Variants in ZCCHC4 observed in about 807,000 individuals in gnomAD.
The protein encoded by ZCCHC4 is rRNA N(6)-adenosine-methyltransferase ZCCHC4.
Under a neutral mutation model 67.7 loss-of-function variants are expected in ZCCHC4, and 54 were observed. The observed-to-expected ratio is 0.80, with a 90% CI of 0.64 to 1.00. The LOEUF is 1.00. Ranked by LOEUF, ZCCHC4 falls within the 50% of genes least tolerant of loss-of-function variation. The pLI, the probability that ZCCHC4 is intolerant of heterozygous loss-of-function variation, is 0.00. For synonymous variants in ZCCHC4, 198 were observed against 213.5 expected (o/e 0.93, Z 0.63); for missense variants, 609 against 617.0 (o/e 0.99, Z 0.14).
At chr4:25,336,652 A>G (rs375108872) in intron 5 of ZCCHC4, among the ~76,000 whole-genome samples, 25 of 152,214 alleles carry the variant, frequency 1.6e-4, no homozygotes, top group African/African-American at 5.5e-4. Flanking sequence ...ATGTGCAGCT[A>G]ATTTTTGTAT....
intron 8 of ZCCHC4, among the ~76,000 whole-genome samples, chr4:25,357,154 G>A (rs1373906491): frequency 6.6e-6 from 1 of 152,200 alleles, no homozygotes; most frequent in East Asian, 1.9e-4. Flanking sequence ...TAAAGGATAA[G>A]TCCAATTGCT....
chr4:25,335,169 A>G (rs544943751), intron 5 of ZCCHC4, among the ~76,000 whole-genome samples: 13 of 152,304 alleles, frequency 8.5e-5, no homozygotes, highest in African/African-American at 3.1e-4. Flanking sequence ...AGTTTGGGTC[A>G]GGTGTGGTGG....
intron 3 of ZCCHC4, among the ~76,000 whole-genome samples, chr4:25,328,206 AT>A (rs1351430331): frequency 2.0e-5 from 3 of 151,466 alleles, no homozygotes; most frequent in African/African-American, 7.3e-5. Context: ...GCCTGATGTC[AT>A]TTTTATCTTT....
At chr4:25,364,917 A>G in intron 11 of ZCCHC4, 105 bp from the exon 12 acceptor site, 1 of 1,488,120 alleles carries the variant, frequency 6.7e-7, no homozygotes, top group Non-Finnish European at 9.1e-7. Context: ...CAAACTGGCC[A>G]CAATACTTCA....
At chr4:25,338,606 G>A (rs1290054304) in intron 5 of ZCCHC4, among the ~76,000 whole-genome samples, 1 of 152,112 alleles carries the variant, frequency 6.6e-6, no homozygotes, top group African/African-American at 2.4e-5. Flanking sequence ...TTATGGATAT[G>A]CTTTGCCTAT....
In ZCCHC4 at chr4:25,369,455, A is replaced by T; in HGVS notation, c.*291A>T. ...TTTTTATGTTTTCATTTTTTTTGAG[A>T]TGGAGTCTTGCTCTGTCTCCCAGGC... On this transcript the variant is annotated 3_prime_UTR_variant, in exon 13 of 13. Transcript: ENST00000302874. 6 of 316,354 alleles carry T rather than the reference A, an allele frequency of 1.9e-5. No homozygotes were observed. In the South Asian group the frequency reaches 2.2e-4, roughly 11 times the overall value. 19.6% of individuals were successfully genotyped at this position (316,354 alleles called of 1,614,324 possible). A position where few individuals can be genotyped will look rare whatever the true frequency, so the allele number is the denominator to read the frequency against.
chr4:25,314,015 CTTTTTT>C, intron 1 of ZCCHC4, 25 bp from the exon 2 acceptor site: 1 of 1,022,006 alleles, frequency 9.8e-7, no homozygotes, highest in Non-Finnish European at 1.4e-6. Context: ...TTACTTGACA[CTTTTTT>C]TTTTTTTTTC....
At chr4:25,365,640 A>G in intron 12 of ZCCHC4, 5 of 985,712 alleles carry the variant, frequency 5.1e-6, no homozygotes, top group Non-Finnish European at 6.0e-6. Flanking sequence ...TAAGAAAAAT[A>G]TTTAGACATG....
intron 6 of ZCCHC4, 127 bp from the exon 7 acceptor site, chr4:25,349,365 G>A (rs959882807): frequency 2.2e-5 from 17 of 790,086 alleles, no homozygotes; most frequent in Middle Eastern, 2.5e-4. Flanking sequence ...GGAATGCTGC[G>A]GTGGCAAGAT....
rs992974927 is a variant in ZCCHC4 at position 25,361,876 on chromosome 4, T to A, written c.1029T>A (p.His343Gln). 1.2e-5 allele frequency: 20 copies of A among 1,611,344 alleles called. No homozygotes were observed. In the Admixed American group the frequency reaches 2.7e-4, roughly 22 times the overall value. The change falls in exon 9 of 13, where the codon CAT becomes CAA. Residue 343 changes from histidine (H) to glutamine (Q), a missense_variant. Coordinates refer to ENST00000302874, the MANE Select transcript of ZCCHC4 (RefSeq NM_024936.3). Reference sequence around the variant, plus strand: ...CTTTCTAGGTAGATTATGATAATCATGCACTTTATAAACACGGAAAGACAG... The same window carrying A: ...CTTTCTAGGTAGATTATGATAATCAAGCACTTTATAAACACGGAAAGACAG... ...MLDYQVDYDN[H>Q]ALYKHGKTGR...
intron 2 of ZCCHC4, 49 bp downstream of exon 2, chr4:25,314,213 A>G: frequency 7.9e-7 from 1 of 1,265,910 alleles, no homozygotes; most frequent in South Asian, 1.3e-5. Context: ...TATGTGTGAC[A>G]ATTTTGTTGA....
intron 8 of ZCCHC4, among the ~76,000 whole-genome samples, chr4:25,358,141 C>G (rs953656100): frequency 7.9e-5 from 12 of 152,208 alleles, no homozygotes; most frequent in African/African-American, 2.7e-4. Context: ...AGATAATCTG[C>G]TGAAACTAAA....
At chr4:25,343,513 G>A (rs1164289276) in intron 5 of ZCCHC4, among the ~76,000 whole-genome samples, 1 of 152,222 alleles carries the variant, frequency 6.6e-6, no homozygotes, top group Non-Finnish European at 1.5e-5. Flanking sequence ...TATATGCTAT[G>A]TAGCTGGCAT....
At chr4:25,327,058 A>G (rs912243377) in intron 3 of ZCCHC4, among the ~76,000 whole-genome samples, 3 of 152,234 alleles carry the variant, frequency 2.0e-5, no homozygotes, top group African/African-American at 7.2e-5. Context: ...AATCTTGATA[A>G]GCTTACTTAC....
chr4:25,349,105 G>A (rs780253818), intron 6 of ZCCHC4, among the ~76,000 whole-genome samples: 1 of 152,112 alleles, frequency 6.6e-6, no homozygotes, highest in African/African-American at 2.4e-5. Context: ...TGTTTTCTTC[G>A]TCTTTGTGTG....
At chr4:25,312,984 G>C (rs750561566) in intron 1 of ZCCHC4, 48 bp downstream of exon 1, 1 of 1,601,144 alleles carries the variant, frequency 6.2e-7, no homozygotes, top group South Asian at 1.1e-5. Context: ...CTGAGGGTGT[G>C]AGTTGGCTTG....
intron 5 of ZCCHC4, among the ~76,000 whole-genome samples, chr4:25,344,511 T>C (rs1378339769): frequency 2.7e-5 from 4 of 150,334 alleles, no homozygotes; most frequent in Admixed American, 6.6e-5. Flanking sequence ...TACCTAATGC[T>C]AAATGATGAG....
rs150113323 is a variant in ZCCHC4 at position 25,338,947 on chromosome 4, C to T, written c.686+4959C>T. On this transcript the variant is annotated intron_variant, in intron 5 of 12. Transcript: ENST00000302874. Reference sequence around the variant, plus strand: ...GGCTGCCGTAACAAAATACCACAGACTATGTGGCTTAAACAACAGAAATTT... The same window carrying T: ...GGCTGCCGTAACAAAATACCACAGATTATGTGGCTTAAACAACAGAAATTT... Among the ~76,000 whole-genome samples the T allele has an allele frequency of 4.6e-5, 7 of 152,296 alleles. No individual in the cohort carries two copies. The East Asian group carries it at 5.8e-4, about 13-fold the overall frequency.
intron 3 of ZCCHC4, among the ~76,000 whole-genome samples, chr4:25,330,052 T>C (rs1188883330): frequency 1.3e-5 from 2 of 152,130 alleles, no homozygotes; most frequent in African/African-American, 4.8e-5. Flanking sequence ...AGTGCAGTGG[T>C]GTGATCTCAG....
Sources: gnomAD v4.1 joint callset for allele counts (sites outside exome capture counted in the v4.1 genomes callset) on GRCh38, gnomAD v4.1.1 for gene constraint, MANE v1.5 for transcripts, NCBI Gene and HGNC (gene_info 2026-07-23, HGNC 2026-07-21) for gene names.